Variants in LAMP5 observed in about 807,000 individuals in gnomAD.
LAMP5 encodes the protein lysosome-associated membrane glycoprotein 5.
In LAMP5, 36 loss-of-function variants were observed where a neutral mutation model predicts 30.2. That is an observed-to-expected ratio of 1.19 (90% confidence interval 0.91 to 1.57). LAMP5 has a LOEUF of 1.57. Ranked by LOEUF, LAMP5 falls within the 40% of genes most tolerant of loss-of-function variation. LAMP5 has a pLI of 0.00. For synonymous variants in LAMP5, 149 were observed against 134.6 expected, an observed-to-expected ratio of 1.11 and a Z score of -0.74; for missense variants, 377 against 354.9, an observed-to-expected ratio of 1.06 and a Z score of -0.50.
At chr20:9,515,771 G>T in intron 2 of LAMP5, 146 bp downstream of exon 2, 1 of 997,140 alleles carries the variant, frequency 1.0e-6, no homozygotes. Context: ...GGGGATTCCA[G>T]CTTGTAATGC....
chr20:9,517,831 A>T (rs561377475), intron 4 of LAMP5, among the ~76,000 whole-genome samples: 1 of 152,226 alleles, frequency 6.6e-6, no homozygotes, highest in Non-Finnish European at 1.5e-5. Flanking sequence ...GTTCCAAATT[A>T]ATATTGAAAG....
chr20:9,528,297 G>GGTGTGTGTGTGTGT (rs61258824), intron 5 of LAMP5, among the ~76,000 whole-genome samples: 1 of 140,194 alleles, frequency 7.1e-6, no homozygotes, highest in Non-Finnish European at 1.5e-5. Flanking sequence ...GAAGGATATG[G>GGTGTGTGTGTGTGT]GTGTGTGTGT....
intron 5 of LAMP5, among the ~76,000 whole-genome samples, chr20:9,518,495 CCTT>C (rs1183672262): frequency 3.3e-5 from 5 of 152,340 alleles, no homozygotes; most frequent in East Asian, 1.9e-4. Context: ...TTTGTTTCCT[CCTT>C]CTTCTTTTCT....
chr20:9,516,502 C>A (rs1431626041), intron 4 of LAMP5, 141 bp downstream of exon 4: 4 of 715,226 alleles, frequency 5.6e-6, no homozygotes, highest in Middle Eastern at 3.9e-4. Context: ...CTCTTTAGGG[C>A]GGAAGAGGCG....
chr20:9,518,059 C>G lies in LAMP5; in HGVS notation c.495C>G (p.Asn165Lys). The G allele has an allele frequency of 1.9e-6, 3 of 1,613,856 alleles. No individual in the cohort carries two copies. The highest frequency in any genetic ancestry group is 2.5e-6 in the Non-Finnish European group (3 of 1,179,990). Reference sequence around the variant, plus strand: ...CTGTAGCTGGGAAGCACACAGCCAACTCGCACCACCTCTCTGCCTTGGTCA... The same window carrying G: ...CTGTAGCTGGGAAGCACACAGCCAAGTCGCACCACCTCTCTGCCTTGGTCA... ...DAVSAGKHTA[N>K]SHHLSALVTP... The change falls in exon 5 of 6, where the codon AAC (asparagine) becomes AAG (lysine). Residue 165 changes from asparagine to lysine, a missense_variant. Transcript: ENST00000246070.
At chr20:9,515,878 T>C in intron 2 of LAMP5, 122 bp from the exon 3 acceptor site, 3 of 1,200,578 alleles carry the variant, frequency 2.5e-6, no homozygotes, top group Non-Finnish European at 2.3e-6. Context: ...TCCCGGAACC[T>C]GGGATGCGCG....
At chr20:9,515,019 T>G in intron 1 of LAMP5, 103 bp downstream of exon 1, 10 of 1,036,734 alleles carry the variant, frequency 9.6e-6, no homozygotes, top group Non-Finnish European at 1.3e-5. Context: ...ATATGGCCCT[T>G]AATGTTTTGC....
chr20:9,529,556 A>G (rs967228088), intron 5 of LAMP5, 86 bp from the exon 6 acceptor site: 30 of 1,349,254 alleles, frequency 2.2e-5, no homozygotes, highest in African/African-American at 2.9e-5. Flanking sequence ...AAATCTTTTT[A>G]CCTCCATTTC....
intron 4 of LAMP5, 89 bp downstream of exon 4, chr20:9,516,450 TCCCA>T: frequency 8.8e-7 from 1 of 1,140,450 alleles, no homozygotes; most frequent in Non-Finnish European, 1.3e-6. Context: ...TTGGAAACCG[TCCCA>T]CGCTTTGAGG....
At chr20:9,519,061 A>G (rs2122834835) in intron 5 of LAMP5, among the ~76,000 whole-genome samples, 1 of 152,310 alleles carries the variant, frequency 6.6e-6, no homozygotes, top group South Asian at 2.1e-4. Context: ...ACCCCTGCAG[A>G]GGTAGGGCAC....
intron 5 of LAMP5, among the ~76,000 whole-genome samples, chr20:9,520,599 G>T (rs1027492251): frequency 2.0e-5 from 3 of 151,552 alleles, no homozygotes; most frequent in Non-Finnish European, 2.9e-5. Flanking sequence ...GTGTGTGTGT[G>T]TGTGTGTTTG....
intron 5 of LAMP5, among the ~76,000 whole-genome samples, chr20:9,524,802 T>C (rs139840333): frequency 0.011 from 1,657 of 152,230 alleles, 28 homozygotes; most frequent in African/African-American, 0.037. Context: ...TCATACTAAG[T>C]AGGATGACTG....
Position 9,516,107 on chromosome 20 carries a change from T to C in LAMP5, c.345T>C (p.Tyr115=), listed in dbSNP as rs2045036677. Residue 115 remains tyrosine, a synonymous_variant, in exon 3 of 6, where the codon TAT becomes TAC. Coordinates refer to ENST00000246070, the MANE Select transcript of LAMP5 (RefSeq NM_012261.4). ...AAGTGTTCTGGGTGGATCGCGCATA[T>C]GCACTCAAAATGCTCTTTGTAAAGG... ...ELQVFWVDRA[Y]ALKMLFVKES... The C allele has an allele frequency of 2.6e-6, 4 of 1,551,350 alleles. No individual in the cohort carries two copies. Among genetic ancestry groups the C allele is most frequent in the African/African-American group, 2.8e-5 (2 of 72,218 alleles).
intron 5 of LAMP5, among the ~76,000 whole-genome samples, chr20:9,529,428 A>G (rs1476825457): frequency 6.6e-6 from 1 of 152,198 alleles, no homozygotes; most frequent in African/African-American, 2.4e-5. Context: ...CAATAATTAC[A>G]TGTTGTCCTA....
intron 5 of LAMP5, among the ~76,000 whole-genome samples, chr20:9,521,755 G>A (rs986749033): frequency 2.6e-5 from 4 of 152,178 alleles, no homozygotes; most frequent in Non-Finnish European, 5.9e-5. Flanking sequence ...GGGATGTGTC[G>A]CTGGGAGGGA....
intron 5 of LAMP5, among the ~76,000 whole-genome samples, chr20:9,522,850 T>A (rs533621633): frequency 4.6e-5 from 7 of 152,298 alleles, no homozygotes; most frequent in Middle Eastern, 3.4e-3. Flanking sequence ...GAACATTTTC[T>A]GCCACACTGA....
chr20:9,523,404 G>T (rs56181760), intron 5 of LAMP5, among the ~76,000 whole-genome samples: 1,636 of 152,176 alleles, frequency 0.011, 14 homozygotes, highest in Non-Finnish European at 0.017. Context: ...CCATTCATTG[G>T]GGGTGCAATG....
In LAMP5 at chr20:9,514,632, C is replaced by T. The variant is rs994747591; in HGVS notation, c.-221C>T. 28 of 531,920 alleles carry T rather than the reference C, an allele frequency of 5.3e-5. 1 individual carries two copies. The highest frequency in any genetic ancestry group is 5.3e-4 in the Middle Eastern group (1 of 1,904). The allele number at this position is 531,920 out of a possible 1,614,324, so 33.0% of individuals were successfully genotyped here. ...CGCAGCCGTGGACCGCCGTGCGGTC[C>T]TTTCCTCCGCAGTGAGCCGATTTGC... On this transcript the variant is annotated 5_prime_UTR_variant, in exon 1 of 6. Transcript: ENST00000246070.
At chr20:9,528,497 T>A (rs2045129086) in intron 5 of LAMP5, among the ~76,000 whole-genome samples, 1 of 152,138 alleles carries the variant, frequency 6.6e-6, no homozygotes, top group African/African-American at 2.4e-5. Context: ...GAAACATTGT[T>A]TACACATAGA....
Sources: gnomAD v4.1 joint callset for allele counts (sites outside exome capture counted in the v4.1 genomes callset) on GRCh38, gnomAD v4.1.1 for gene constraint, MANE v1.5 for transcripts, NCBI Gene and HGNC (gene_info 2026-07-23, HGNC 2026-07-21) for gene names.